MAN1C1: variants seen among roughly 807,000 people sequenced by gnomAD.
MAN1C1 encodes mannosyl-oligosaccharide 1,2-alpha-mannosidase IC.
A neutral mutation model predicts 71.5 loss-of-function variants in MAN1C1; 49 were observed. The observed-to-expected ratio is 0.69, with a 90% CI of 0.54 to 0.87. The LOEUF (loss-of-function observed/expected upper bound fraction) is 0.87. Among genes scored for constraint, MAN1C1 ranks in the 40% least tolerant of loss-of-function variants. MAN1C1 has a pLI of 0.00. For missense variants in MAN1C1, 743 were observed against 835.0 expected (o/e 0.89, Z 1.36); for synonymous variants, 352 against 343.7 (o/e 1.02, Z -0.27).
chr1:25,636,920 C>G (rs1054831702), intron 1 of MAN1C1, among the ~76,000 whole-genome samples: 1 of 151,952 alleles, frequency 6.6e-6, no homozygotes, highest in African/African-American at 2.4e-5. Context: ...TTTGGGAGGC[C>G]GAGGCAGGTG....
At chr1:25,669,536 G>A (rs572203957) in intron 1 of MAN1C1, among the ~76,000 whole-genome samples, 1 of 152,092 alleles carries the variant, frequency 6.6e-6, no homozygotes, top group Non-Finnish European at 1.5e-5. Context: ...GGAGGTCGAG[G>A]CAGGAGGATC....
chr1:25,647,478 TG>T (rs1462893110), intron 1 of MAN1C1, among the ~76,000 whole-genome samples: 1 of 152,044 alleles, frequency 6.6e-6, no homozygotes, highest in African/African-American at 2.4e-5. Flanking sequence ...GTGATGGCGC[TG>T]GGGGTGCTTC....
intron 1 of MAN1C1, among the ~76,000 whole-genome samples, chr1:25,660,388 T>G: frequency 1.4e-5 from 2 of 140,858 alleles, no homozygotes; most frequent in African/African-American, 2.7e-5. Flanking sequence ...GCAACAAGAG[T>G]GAAATTCCTT....
At chr1:25,686,814 A>G (rs1266358446) in intron 2 of MAN1C1, among the ~76,000 whole-genome samples, 1 of 152,208 alleles carries the variant, frequency 6.6e-6, no homozygotes, top group Non-Finnish European at 1.5e-5. Flanking sequence ...AAATGGGAGT[A>G]GGGATAGTGA....
At chr1:25,720,487 A>C (rs1233319776) in intron 2 of MAN1C1, among the ~76,000 whole-genome samples, 3 of 152,216 alleles carry the variant, frequency 2.0e-5, no homozygotes, top group Non-Finnish European at 2.9e-5. Context: ...CTGAGATTAC[A>C]GGTGTGAACC....
At position 25,737,869 on chromosome 1, in the gene MAN1C1, G is replaced by A. The variant is rs79031330; in HGVS notation, c.638-8799G>A. ...CAGAGGGACCCATATCAGCAGGCAC[G>A]CCAGGGAGTCTGAGGAGCTGCTGGT... On this transcript the variant is annotated intron_variant, in intron 2 of 11. Transcript: ENST00000374332. Among the ~76,000 whole-genome samples the A allele has an allele frequency of 9.6e-3, 1,467 of 152,242 alleles. 17 individuals are homozygous for A. The highest frequency in any genetic ancestry group is 0.033 in the African/African-American group (1,350 of 41,530).
chr1:25,772,975 T>C (rs934682821), intron 8 of MAN1C1, among the ~76,000 whole-genome samples: 7 of 152,350 alleles, frequency 4.6e-5, no homozygotes, highest in Middle Eastern at 3.4e-3. Context: ...TCAATTCAAA[T>C]GCCACTGAAA....
At chr1:25,626,585 C>T (rs558562962) in intron 1 of MAN1C1, among the ~76,000 whole-genome samples, 66 of 152,214 alleles carry the variant, frequency 4.3e-4, no homozygotes, top group Non-Finnish European at 8.1e-4. Flanking sequence ...GTTTCAATCT[C>T]CTGACCTCAT....
In MAN1C1 at chr1:25,730,986, A is replaced by G. The variant is rs1365923687; in HGVS notation, c.638-15682A>G. ...GAGCCAAGGCACATGGTTTGACCAC[A>G]AGCCTGTGCTTCCCCCACAATCGCT... On this transcript the variant is annotated intron_variant, in intron 2 of 11. Transcript: ENST00000374332. This position sits in a 1 kb window ranked among gnomAD's most constrained non-coding sequence, Gnocchi z 4.3. Among the ~76,000 whole-genome samples the G allele has an allele frequency of 6.6e-6, 1 of 152,190 alleles. No individual in the cohort carries two copies. The highest frequency in any genetic ancestry group is 2.4e-5 in the African/African-American group (1 of 41,456).
chr1:25,755,877 G>A (rs1010129441), intron 5 of MAN1C1, among the ~76,000 whole-genome samples: 9 of 152,338 alleles, frequency 5.9e-5, no homozygotes, highest in African/African-American at 2.2e-4. Context: ...GAGGAGATCA[G>A]AGCTTCCTGC....
At chr1:25,738,205 T>C (rs2047009652) in intron 2 of MAN1C1, among the ~76,000 whole-genome samples, 1 of 152,118 alleles carries the variant, frequency 6.6e-6, no homozygotes, top group Admixed American at 6.5e-5. Context: ...AGCACAGTGC[T>C]ATGTCACCCA....
chr1:25,758,355 AAAG>A (rs1182099826), intron 5 of MAN1C1, among the ~76,000 whole-genome samples: 1 of 152,202 alleles, frequency 6.6e-6, no homozygotes, highest in African/African-American at 2.4e-5. Context: ...TGATGGAGAC[AAAG>A]AATATTCCAA....
chr1:25,665,008 G>A (rs1010310733), intron 1 of MAN1C1, among the ~76,000 whole-genome samples: 3 of 152,338 alleles, frequency 2.0e-5, no homozygotes, highest in Admixed American at 1.3e-4. Flanking sequence ...CTGGTTAAGA[G>A]TTATGGCCAC....
At chr1:25,748,763 AGCTGCCTG>A (rs1389119730) in intron 3 of MAN1C1, among the ~76,000 whole-genome samples, 1 of 152,212 alleles carries the variant, frequency 6.6e-6, no homozygotes, top group Non-Finnish European at 1.5e-5. Flanking sequence ...CTGAATACGT[AGCTGCCTG>A]GCTGCCTGGC....
chr1:25,630,442 ATGT>A (rs1400614737), intron 1 of MAN1C1, among the ~76,000 whole-genome samples: 3 of 152,034 alleles, frequency 2.0e-5, no homozygotes, highest in African/African-American at 4.8e-5. Context: ...GTGAACAATG[ATGT>A]TGTTATTTTG....
rs965415155 is a variant in MAN1C1, at chr1:25,617,108, G to A, written c.-690G>A. ...CTGCGCTGTCTGGGGCCCGGGGGAA[G>A]CCCCCTGCCCCCGCAGGCTCGGAAG... is the stretch of plus-strand genomic sequence containing the variant. On this transcript the variant is annotated 5_prime_UTR_variant, in exon 1 of 12. Coordinates refer to ENST00000374332, the MANE Select transcript of MAN1C1 (RefSeq NM_020379.4). The surrounding 1 kb of genome is among the most constrained non-coding windows in gnomAD (Gnocchi z 5.1). Among the ~76,000 whole-genome samples the A allele has an allele frequency of 6.6e-6, 1 of 151,900 alleles. No homozygotes were observed. The highest frequency in any genetic ancestry group is 6.5e-5 in the Admixed American group (1 of 15,274).
At chr1:25,731,722 A>C (rs540488381) in intron 2 of MAN1C1, among the ~76,000 whole-genome samples, 1 of 152,224 alleles carries the variant, frequency 6.6e-6, no homozygotes, top group African/African-American at 2.4e-5. Flanking sequence ...TGGACCAAAG[A>C]AAAGGGAGGC....
intron 8 of MAN1C1, chr1:25,777,628 T>G (rs1431342803): frequency 6.5e-6 from 1 of 153,162 alleles, no homozygotes; most frequent in East Asian, 1.9e-4. Flanking sequence ...GAACAGCTCT[T>G]AATTTTCTGC....
Position 25,617,933 on chromosome 1 carries a change from T to C in MAN1C1, c.136T>C (p.Ser46Pro). The C allele has an allele frequency of 6.2e-7, 1 of 1,606,018 alleles. No homozygotes were observed. The highest frequency in any genetic ancestry group is 8.5e-7 in the Non-Finnish European group (1 of 1,177,170). The change falls in exon 1 of 12, where the codon TCC (serine) becomes CCC (proline). Residue 46 changes from serine to proline, a missense_variant. Physicochemically the swap from Ser to Pro is moderately conservative, Grantham distance 74. Coordinates refer to ENST00000374332, the MANE Select transcript of MAN1C1 (RefSeq NM_020379.4). The surrounding 1 kb of genome is among the most constrained non-coding windows in gnomAD (Gnocchi z 5.1). ...CGGGGCCCTCTTCCTGCTGCCCCAC[T>C]CCTCTCGCCTCAAGCGCCTCTTCCT... ...CFGALFLLPH[S>P]SRLKRLFLAP...
Sources: gnomAD v4.1 joint callset for allele counts (sites outside exome capture counted in the v4.1 genomes callset) on GRCh38, gnomAD v4.1.1 for gene constraint, Gnocchi (gnomAD v3.1) non-coding constraint, MANE v1.5 for transcripts, NCBI Gene and HGNC (gene_info 2026-07-23, HGNC 2026-07-21) for gene names.